MAFF: variants seen among roughly 807,000 people sequenced by gnomAD.
The protein encoded by MAFF is transcription factor MafF.
MAFF carries 4 observed loss-of-function variants against 2.7 expected under a neutral mutation model. The observed-to-expected ratio is 1.48, with a 90% confidence interval of 0.73 to 3.39. The LOEUF is 3.39. Ranked by LOEUF, MAFF falls within the 30% of genes most tolerant of loss-of-function variation. The pLI, the probability that MAFF is intolerant of heterozygous loss-of-function variation, is 0.01. For missense variants in MAFF, 190 were observed against 246.6 expected (o/e 0.77, Z 1.54); for synonymous variants, 113 against 119.4 (o/e 0.95, Z 0.35).
chr22:38,208,842 G>A (rs1157926168), intron 1 of MAFF, among the ~76,000 whole-genome samples: 2 of 152,144 alleles, frequency 1.3e-5, no homozygotes, highest in Non-Finnish European at 2.9e-5. Context: ...GGGAGTGAGG[G>A]GAGAGAAATA....
Position 38,215,069 on chromosome 22 carries a change from G to T in MAFF, c.*191G>T. ...CTGGGACCGAATGACCCTGGGAAGG[G>T]GAACTTGGGTAGGTTGGGGATGGGG... On this transcript the variant is annotated 3_prime_UTR_variant, in exon 3 of 3. Coordinates refer to ENST00000338483, the MANE Select transcript of MAFF (RefSeq NM_012323.4). 1.8e-6 allele frequency: 1 copy of T among 555,692 alleles called. No homozygotes were observed. Among genetic ancestry groups the T allele is most frequent in the Non-Finnish European group, 3.3e-6 (1 of 303,406 alleles). The allele number at this position is 555,692 out of a possible 1,614,324, so 34.4% of individuals were successfully genotyped here. A position where few individuals can be genotyped will look rare whatever the true frequency, so the allele number is the denominator to read the frequency against.
chr22:38,211,053 C>T (rs1009525834), intron 1 of MAFF, among the ~76,000 whole-genome samples: 1 of 151,438 alleles, frequency 6.6e-6, no homozygotes, highest in African/African-American at 2.4e-5. Flanking sequence ...GTGAGTGAGA[C>T]CCTGTATAAA....
At position 38,213,723 on chromosome 22, in the gene MAFF, A is replaced by T. The variant is rs2091120205; in HGVS notation, c.-31-100A>T. On this transcript the variant is annotated intron_variant, in intron 1 of 2. Coordinates refer to ENST00000338483, the MANE Select transcript of MAFF (RefSeq NM_012323.4). ...AGGTGGCAGGTATGAATCAGTTCTA[A>T]GATAGCAGAGGCCTTGAATGGCAAG... 7.0e-6 allele frequency: 6 copies of T among 856,824 alleles called. No homozygotes were observed. The East Asian group carries it at 1.5e-4, about 21-fold the overall frequency. 53.1% of individuals were successfully genotyped at this position (856,824 alleles called of 1,614,324 possible). A position where few individuals can be genotyped will look rare whatever the true frequency, so the allele number is the denominator to read the frequency against.
intron 1 of MAFF, among the ~76,000 whole-genome samples, chr22:38,211,200 G>C (rs939926281): frequency 2.0e-5 from 3 of 151,746 alleles, no homozygotes; most frequent in Admixed American, 6.6e-5. Context: ...GTAGGGCTGA[G>C]GTTGGAGAAG....
At chr22:38,206,090 C>T (rs2091049214) in intron 1 of MAFF, among the ~76,000 whole-genome samples, 1 of 152,214 alleles carries the variant, frequency 6.6e-6, no homozygotes. Flanking sequence ...TTTACAATCA[C>T]AGCCAGCTTC....
intron 1 of MAFF, among the ~76,000 whole-genome samples, chr22:38,212,782 G>A (rs145551509): frequency 2.2e-3 from 342 of 152,176 alleles, no homozygotes; most frequent in African/African-American, 7.7e-3. Flanking sequence ...TGTATCTTAC[G>A]GGGTGCTGGA....
Position 38,214,273 on chromosome 22 carries a change from C to T in MAFF, c.37-147C>T. ...CCCGATCCTAGTCTGGCCCGGTTTC[C>T]CCTTCCCGGATTCCTGCTCCCCTTC... On this transcript the variant is annotated intron_variant, in intron 2 of 2. Coordinates refer to ENST00000338483, the MANE Select transcript of MAFF (RefSeq NM_012323.4). The surrounding 1 kb of genome is among the most constrained non-coding windows in gnomAD (Gnocchi z 6.3). The T allele has an allele frequency of 2.5e-6, 2 of 799,342 alleles. No homozygotes were observed. Among genetic ancestry groups the T allele is most frequent in the Non-Finnish European group, 3.8e-6 (2 of 521,098 alleles). The allele number at this position is 799,342 out of a possible 1,614,324, so 49.5% of individuals were successfully genotyped here. A position where few individuals can be genotyped will look rare whatever the true frequency, so the allele number is the denominator to read the frequency against.
chr22:38,210,825 G>A (rs2091094147), intron 1 of MAFF, among the ~76,000 whole-genome samples: 1 of 151,946 alleles, frequency 6.6e-6, no homozygotes, highest in African/African-American at 2.4e-5. Context: ...TTTGGGAGGC[G>A]GAGGCAGGCG....
intron 1 of MAFF, chr22:38,213,485 T>A: frequency 2.7e-6 from 1 of 371,160 alleles, no homozygotes; most frequent in South Asian, 2.1e-5. Context: ...AGGTGACTGT[T>A]ACAAGGGTTA....
Position 38,213,867 on chromosome 22 carries a change from C to T in MAFF, c.14C>T (p.Pro5Leu), listed in dbSNP as rs2091121560. 2 of 1,614,088 alleles carry T rather than the reference C, an allele frequency of 1.2e-6. No individual in the cohort carries two copies. The highest frequency in any genetic ancestry group is 1.3e-5 in the African/African-American group (1 of 74,922). Residue 5 changes from proline (P) to leucine (L), a missense_variant, in exon 2 of 3, where the codon CCC becomes CTC. Pro to Leu is a moderately conservative substitution (Grantham distance 98). Around this residue, in one of 2 missense-constraint regions of MAFF, gnomAD observed 87 missense variants for 143.6 expected, o/e 0.61. Transcript: ENST00000338483. Reference sequence around the variant, plus strand: ...CCTTCTGCAAACATGTCTGTGGATCCCCTATCCAGCAAAGCTCTAAAGGTG... The same window carrying T: ...CCTTCTGCAAACATGTCTGTGGATCTCCTATCCAGCAAAGCTCTAAAGGTG... Reference protein sequence around the residue: MSVDPLSSKALKIKR... With the variant: MSVDLLSSKALKIKR...
intron 1 of MAFF, among the ~76,000 whole-genome samples, chr22:38,213,334 T>C (rs751123347): frequency 3.9e-5 from 6 of 152,164 alleles, no homozygotes; most frequent in Non-Finnish European, 8.8e-5. Context: ...ATCTACTATA[T>C]ACCAGGCACT....
intron 1 of MAFF, among the ~76,000 whole-genome samples, chr22:38,213,176 CAAAAAAAAAAAAAA>C (rs57782814): frequency 8.8e-6 from 1 of 114,104 alleles, no homozygotes. Flanking sequence ...GACTCTGTCT[CAAAAAAAAAAAAAA>C]AAAAAAAAAA....
chr22:38,209,892 G>A (rs1486872111), intron 1 of MAFF, among the ~76,000 whole-genome samples: 8 of 151,232 alleles, frequency 5.3e-5, no homozygotes, highest in South Asian at 4.2e-4. Context: ...ACATGTAAAC[G>A]TCTCCAGATA....
intron 1 of MAFF, among the ~76,000 whole-genome samples, chr22:38,206,172 T>G (rs1164756928): frequency 1.3e-5 from 2 of 152,106 alleles, no homozygotes; most frequent in Non-Finnish European, 2.9e-5. Context: ...GTGTTGAGGA[T>G]TCTAGGCTGT....
chr22:38,207,766 C>CT (rs2091064636), intron 1 of MAFF, among the ~76,000 whole-genome samples: 1 of 152,058 alleles, frequency 6.6e-6, no homozygotes, highest in Admixed American at 6.6e-5. Context: ...CCCGGCTAAT[C>CT]TTTTTATTTT....
In MAFF at chr22:38,214,636, GAGCTGGAGCGCGAGGTGGACA is replaced by G. The variant is rs1275568350; in HGVS notation, c.260_280del (p.Glu87_Leu93del). ...GGAGGAGCTGCAGAAGCAGAAGTCGGAGCTGGAGCGCGAGGTGGACAAGCTGGCGCGCGAGAACGCCGCCAT... is the reference window on the plus strand; with the variant it reads ...GGAGGAGCTGCAGAAGCAGAAGTCGGAGCTGGCGCGCGAGAACGCCGCCAT... On this transcript the variant is annotated inframe_deletion, in exon 3 of 3. Transcript: ENST00000338483. The surrounding 1 kb of genome is among the most constrained non-coding windows in gnomAD (Gnocchi z 6.3). 6.4e-7 allele frequency: 1 copy of G among 1,564,544 alleles called. No homozygotes were observed. Among genetic ancestry groups the G allele is most frequent in the Non-Finnish European group, 8.7e-7 (1 of 1,155,368 alleles).
At position 38,214,678 on chromosome 22, in the gene MAFF, G is replaced by A. The variant is rs1169461865; in HGVS notation, c.295G>A (p.Ala99Thr). 6.5e-7 allele frequency: 1 copy of A among 1,548,896 alleles called. No homozygotes were observed. The highest frequency in any genetic ancestry group is 8.7e-7 in the Non-Finnish European group (1 of 1,147,986). The change falls in exon 3 of 3, where the codon GCC (alanine) becomes ACC (threonine). Residue 99 changes from alanine (A) to threonine (T), a missense_variant. Ala to Thr is a moderately conservative substitution (Grantham distance 58). Coordinates refer to ENST00000338483, the MANE Select transcript of MAFF (RefSeq NM_012323.4). This position sits in a 1 kb window ranked among gnomAD's most constrained non-coding sequence, Gnocchi z 6.3. Reference sequence around the variant, plus strand: ...GGACAAGCTGGCGCGCGAGAACGCCGCCATGCGCCTGGAGCTCGACGCGCT... The same window carrying A: ...GGACAAGCTGGCGCGCGAGAACGCCACCATGCGCCTGGAGCTCGACGCGCT... ...EVDKLARENA[A>T]MRLELDALRG...
At chr22:38,211,237 T>TTTTTTTTTTTG (rs2091098271) in intron 1 of MAFF, among the ~76,000 whole-genome samples, 1 of 150,798 alleles carries the variant, frequency 6.6e-6, no homozygotes, top group African/African-American at 2.4e-5. Context: ...TTTCTTTTTT[T>TTTTTTTTTTTG]TTTTTTTTTC....
intron 1 of MAFF, among the ~76,000 whole-genome samples, chr22:38,206,435 G>A (rs1445396892): frequency 1.3e-5 from 2 of 150,472 alleles, no homozygotes; most frequent in Admixed American, 6.7e-5. Flanking sequence ...TCCACCTCCC[G>A]GGTTCATGCA....
Sources: gnomAD v4.1 joint callset for allele counts (sites outside exome capture counted in the v4.1 genomes callset) on GRCh38, gnomAD v4.1.1 for gene constraint, gnomAD v4.1.1 regional missense constraint, Gnocchi (gnomAD v3.1) non-coding constraint, MANE v1.5 for transcripts, NCBI Gene and HGNC (gene_info 2026-07-23, HGNC 2026-07-21) for gene names.